HSD17B14: variants seen among roughly 807,000 people sequenced by gnomAD.
HSD17B14 encodes the protein L-fucose dehydrogenase.
Under a neutral mutation model 32.2 loss-of-function variants are expected in HSD17B14, and 32 were observed. The ratio of observed to expected loss-of-function variants is 0.99; its 90% confidence interval spans 0.75 to 1.33. HSD17B14 has a LOEUF of 1.33. Ranked by LOEUF, HSD17B14 falls within the 40% of genes most tolerant of loss-of-function variation. The probability of loss-of-function intolerance (pLI) is 0.00; values close to 1 mark genes in which losing one functional copy is unlikely to be tolerated. For missense variants in HSD17B14, 370 were observed against 366.5 expected, an observed-to-expected ratio of 1.01 and a Z score of -0.08; for synonymous variants, 140 against 155.4, an observed-to-expected ratio of 0.90 and a Z score of 0.74.
chr19:48,828,588 C>A (rs1294156433), intron 5 of HSD17B14, among the ~76,000 whole-genome samples: 2 of 151,396 alleles, frequency 1.3e-5, no homozygotes, highest in East Asian at 3.9e-4. Context: ...CCAGCCTGGG[C>A]AACAGAGTGA....
At position 48,815,111 on chromosome 19, in the gene HSD17B14, C is replaced by T. The variant is rs763937268; in HGVS notation, c.400G>A (p.Gly134Arg). ...LALPYLRKSQ[G>R]NVINISSLVG... ...AGGCTGGAGATGTTGATGACATTCC[C>T]TTGACTCTTCCGCAGGTAGGGGAGG... Residue 134 changes from glycine to arginine, a missense_variant, in exon 6 of 9, where the codon GGG (glycine) becomes AGG (arginine). Transcript: ENST00000263278. The T allele has an allele frequency of 3.4e-5, 55 of 1,613,794 alleles. No individual in the cohort carries two copies. Among genetic ancestry groups the T allele is most frequent in the Non-Finnish European group, 4.5e-5 (53 of 1,179,924 alleles).
At chr19:48,830,572 G>A (rs913808716) in intron 5 of HSD17B14, among the ~76,000 whole-genome samples, 2 of 152,070 alleles carry the variant, frequency 1.3e-5, no homozygotes, top group African/African-American at 2.4e-5. Flanking sequence ...GGCTAATAAA[G>A]GACTCCTGAT....
chr19:48,836,280 C>T, intron 1 of HSD17B14, 44 bp downstream of exon 1: 1 of 1,568,602 alleles, frequency 6.4e-7, no homozygotes, highest in South Asian at 1.1e-5. Flanking sequence ...CCCCATCCTT[C>T]CTTTCTCACA....
chr19:48,826,517 G>C (rs370804436), intron 5 of HSD17B14, among the ~76,000 whole-genome samples: 1 of 8,924 alleles, frequency 1.1e-4, no homozygotes. Flanking sequence ...AAAAGTAAAA[G>C]AAAAGAAGAA....
At chr19:48,833,864 C>T (rs1271373535) in intron 3 of HSD17B14, among the ~76,000 whole-genome samples, 2 of 151,584 alleles carry the variant, frequency 1.3e-5, no homozygotes, top group Non-Finnish European at 2.9e-5. Flanking sequence ...GTGGCGCACA[C>T]CTGTAATCCC....
At chr19:48,815,166 G>T in intron 5 of HSD17B14, 25 bp from the exon 6 acceptor site, 1 of 1,561,132 alleles carries the variant, frequency 6.4e-7, no homozygotes, top group Non-Finnish European at 8.8e-7. Context: ...GGCCAAGTAA[G>T]CTACACAAGC....
chr19:48,826,876 G>T (rs2035259723), intron 5 of HSD17B14, among the ~76,000 whole-genome samples: 1 of 151,858 alleles, frequency 6.6e-6, no homozygotes, highest in Non-Finnish European at 1.5e-5. Context: ...GGTATCTCCA[G>T]AGCCCCACCT....
chr19:48,813,595 C>G (rs759452711), intron 7 of HSD17B14, 43 bp from the exon 8 acceptor site: 32 of 1,612,528 alleles, frequency 2.0e-5, no homozygotes, highest in Non-Finnish European at 2.5e-5. Flanking sequence ...CTGTCTCGAA[C>G]CACTTGGGAT....
In HSD17B14 at chr19:48,835,726, GGGA is replaced by G. The variant is rs1177930086; in HGVS notation, c.127+76_127+78del. ...TGGGGGCCTGGACTCCGGGGTCTGA[GGGA>G]GGAGGTGCTAGGGGTCTGGACCTCT... On this transcript the variant is annotated intron_variant, in intron 2 of 8. Transcript: ENST00000263278. 6.2e-6 allele frequency: 9 copies of G among 1,443,552 alleles called. No homozygotes were observed. In the South Asian group the frequency reaches 1.0e-4, roughly 17 times the overall value. 89.4% of individuals were successfully genotyped at this position (1,443,552 alleles called of 1,614,324 possible).
At chr19:48,830,914 T>C (rs956966111) in intron 5 of HSD17B14, among the ~76,000 whole-genome samples, 6 of 151,920 alleles carry the variant, frequency 3.9e-5, no homozygotes, top group Admixed American at 6.6e-5. Context: ...ACATAGCTCA[T>C]GGCAGCCTTG....
chr19:48,826,542 T>TATATATATATAG, intron 5 of HSD17B14, among the ~76,000 whole-genome samples: 1 of 80,110 alleles, frequency 1.2e-5, no homozygotes, highest in African/African-American at 5.2e-5. Context: ...TATATATATA[T>TATATATATATAG]ACACACACAC....
intron 5 of HSD17B14, among the ~76,000 whole-genome samples, chr19:48,830,994 G>A (rs1023084022): frequency 7.9e-5 from 12 of 151,780 alleles, no homozygotes; most frequent in African/African-American, 2.2e-4. Flanking sequence ...GCACCACTAC[G>A]CCTAATTTTT....
intron 5 of HSD17B14, among the ~76,000 whole-genome samples, chr19:48,824,021 G>A (rs60958146): frequency 0.029 from 4,297 of 147,900 alleles, 207 homozygotes; most frequent in African/African-American, 0.099. Flanking sequence ...TTGGGAGGCC[G>A]AGGCGGGCAG....
chr19:48,831,680 G>A lies in HSD17B14; in HGVS notation c.357C>T (p.Tyr119=), dbSNP rs1218726099. 3 of 1,613,810 alleles carry A rather than the reference G, an allele frequency of 1.9e-6. No homozygotes were observed. Among genetic ancestry groups the A allele is most frequent in the Admixed American group, 3.3e-5 (2 of 60,004 alleles). Residue 119 remains tyrosine, a synonymous_variant, in exon 5 of 9, where the codon TAC becomes TAT. Coordinates refer to ENST00000263278, the MANE Select transcript of HSD17B14 (RefSeq NM_016246.3). The part of the protein sequence containing the change: ...QLLELNLLGT[Y]TLTKLALPYL... ...CGCCAGCCCTCACCTTGGTCAAGGTGTACGTCCCCAGTAGGTTCAGCTCCA... is the reference window on the plus strand; with the variant it reads ...CGCCAGCCCTCACCTTGGTCAAGGTATACGTCCCCAGTAGGTTCAGCTCCA...
intron 8 of HSD17B14, 43 bp downstream of exon 8, chr19:48,813,413 C>A: frequency 6.4e-7 from 1 of 1,566,480 alleles, no homozygotes; most frequent in South Asian, 1.2e-5. Flanking sequence ...GCCCCCCACC[C>A]CCATGCCACC....
At chr19:48,833,221 A>G (rs913411381) in intron 3 of HSD17B14, among the ~76,000 whole-genome samples, 1 of 150,582 alleles carries the variant, frequency 6.6e-6, no homozygotes, top group Non-Finnish European at 1.5e-5. Context: ...GACAGGAAGG[A>G]GACAGGGGGC....
intron 3 of HSD17B14, 161 bp from the exon 4 acceptor site, chr19:48,832,893 A>G: frequency 1.6e-6 from 1 of 638,956 alleles, no homozygotes; most frequent in Non-Finnish European, 2.8e-6. Context: ...AGCTGGGATT[A>G]CAGGCGACTG....
chr19:48,832,507 C>A (rs763448210), intron 4 of HSD17B14, among the ~76,000 whole-genome samples, 159 bp downstream of exon 4: 7 of 152,072 alleles, frequency 4.6e-5, no homozygotes, highest in Non-Finnish European at 8.8e-5. Flanking sequence ...TCAGCACAGG[C>A]CTGGGGGGCT....
chr19:48,835,267 C>T (rs1338577579), intron 2 of HSD17B14, among the ~76,000 whole-genome samples: 2 of 56,076 alleles, frequency 3.6e-5, no homozygotes, highest in Non-Finnish European at 5.9e-5. Flanking sequence ...GGGCTGGGGG[C>T]CTGGACTCCT....
Sources: allele counts gnomAD v4.1 joint callset (sites outside exome capture counted in the v4.1 genomes callset), GRCh38; gene constraint gnomAD v4.1.1; transcripts MANE v1.5; gene names NCBI Gene and HGNC (gene_info 2026-07-23, HGNC 2026-07-21).